The following PPP2R2B variants were observed in gnomAD, a reference collection of about 807,000 sequenced individuals.
PPP2R2B encodes the protein serine/threonine-protein phosphatase 2A 55 kDa regulatory subunit B beta isoform.
A neutral mutation model predicts 46.0 loss-of-function variants in PPP2R2B; 5 were observed. The observed-to-expected ratio is 0.11, with a 90% CI of 0.06 to 0.23. The LOEUF is 0.23. PPP2R2B is among the 10% of genes least tolerant of loss of function. The pLI is 1.00. For missense variants in PPP2R2B, 367 were observed against 575.0 expected, an observed-to-expected ratio of 0.64 and a Z score of 3.70; for synonymous variants, 215 against 206.7, an observed-to-expected ratio of 1.04 and a Z score of -0.34.
chr5:146,636,913 T>C (rs1389953104), intron 7 of PPP2R2B, among the ~76,000 whole-genome samples: 1 of 152,206 alleles, frequency 6.6e-6, no homozygotes, highest in Non-Finnish European at 1.5e-5. Context: ...ATACTCTTCT[T>C]TCTGTTTCCC....
At chr5:146,909,676 A>G (rs889339397) in intron 1 of PPP2R2B, among the ~76,000 whole-genome samples, 2 of 152,212 alleles carry the variant, frequency 1.3e-5, no homozygotes, top group African/African-American at 4.8e-5. Context: ...CTGTGTTGCA[A>G]GCCCGCATGT....
chr5:146,981,768 G>A (rs1214285689), intron 1 of PPP2R2B, among the ~76,000 whole-genome samples: 1 of 152,040 alleles, frequency 6.6e-6, no homozygotes, highest in African/African-American at 2.4e-5. Flanking sequence ...TTAAGCCTTG[G>A]CAACTACTAA....
intron 1 of PPP2R2B, among the ~76,000 whole-genome samples, chr5:147,030,396 T>G (rs1460259245): frequency 6.6e-6 from 1 of 152,172 alleles, no homozygotes; most frequent in Admixed American, 6.5e-5. Context: ...ACTTTCATAT[T>G]TTCTATGAAA....
chr5:146,626,174 C>A (rs1239397447), intron 7 of PPP2R2B, among the ~76,000 whole-genome samples: 1 of 151,872 alleles, frequency 6.6e-6, no homozygotes, highest in Non-Finnish European at 1.5e-5. Flanking sequence ...CCATAGGAAG[C>A]TAATACAGAG....
intron 1 of PPP2R2B, among the ~76,000 whole-genome samples, chr5:146,960,213 T>G (rs978398045): frequency 3.3e-5 from 5 of 152,218 alleles, no homozygotes; most frequent in Admixed American, 6.5e-5. Flanking sequence ...GTATCCAGGA[T>G]AGTCCCTAGT....
intron 1 of PPP2R2B, among the ~76,000 whole-genome samples, chr5:146,907,738 T>C (rs577963016): frequency 1.3e-5 from 2 of 152,388 alleles, no homozygotes; most frequent in Admixed American, 6.5e-5. Flanking sequence ...ACTTTCATTT[T>C]CTACTGCTTT....
At chr5:147,080,908 A>AAT (rs1757951336) in intron 2 of PPP2R2B, 1 of 697,968 alleles carries the variant, frequency 1.4e-6, no homozygotes, top group Non-Finnish European at 2.3e-6. Flanking sequence ...AACAGGAGAG[A>AAT]AAGAAGTTAT....
Position 147,008,942 on chromosome 5 carries a change from G to A in PPP2R2B, c.79+46723C>T, listed in dbSNP as rs187603149. 5.4e-4 allele frequency among the ~76,000 whole-genome samples: 82 copies of A among 152,232 alleles called. 2 individuals carry two copies. The South Asian group carries it at 0.015, about 27-fold the overall frequency. On this transcript the variant is annotated intron_variant, in intron 1 of 8. Transcript: ENST00000336640. ...CAGTGTGGGAAGTGATATTCACATCGTCCTTAGATTGCACCGTTTGGGCCT... is the reference window on the plus strand; with the variant it reads ...CAGTGTGGGAAGTGATATTCACATCATCCTTAGATTGCACCGTTTGGGCCT...
intron 2 of PPP2R2B, among the ~76,000 whole-genome samples, chr5:146,783,752 A>G (rs751525892): frequency 3.3e-5 from 5 of 152,202 alleles, no homozygotes; most frequent in Admixed American, 6.5e-5. Flanking sequence ...TTTCCCATGA[A>G]CCAGAAATGA....
At chr5:146,803,997 C>A (rs886304618) in intron 2 of PPP2R2B, among the ~76,000 whole-genome samples, 1 of 151,948 alleles carries the variant, frequency 6.6e-6, no homozygotes, top group South Asian at 2.1e-4. Flanking sequence ...GAAACCCCGT[C>A]TCTACTAGAA....
intron 2 of PPP2R2B, among the ~76,000 whole-genome samples, chr5:146,875,191 A>G (rs1242353800): frequency 6.6e-6 from 1 of 152,196 alleles, no homozygotes; most frequent in Non-Finnish European, 1.5e-5. Flanking sequence ...GACAACATCC[A>G]TTTAACAGGG....
chr5:146,912,035 C>T (rs1393505756), intron 1 of PPP2R2B, among the ~76,000 whole-genome samples: 1 of 151,846 alleles, frequency 6.6e-6, no homozygotes, highest in East Asian at 1.9e-4. Context: ...CTCAGGAGTT[C>T]GCGACCAGCC....
At chr5:146,693,715 G>T (rs1457818517) in intron 4 of PPP2R2B, among the ~76,000 whole-genome samples, 1 of 152,132 alleles carries the variant, frequency 6.6e-6, no homozygotes. Flanking sequence ...TTCCTCATGG[G>T]GCTCTGATGA....
At chr5:146,922,389 A>T (rs1301603243) in intron 1 of PPP2R2B, 2 of 152,164 alleles carry the variant, frequency 1.3e-5, no homozygotes, top group East Asian at 3.8e-4. Context: ...GACTGCCGGG[A>T]TGATATTCAC....
At chr5:146,976,988 A>C (rs1752940328) in intron 1 of PPP2R2B, among the ~76,000 whole-genome samples, 1 of 152,114 alleles carries the variant, frequency 6.6e-6, no homozygotes. Context: ...AGTATAGCCC[A>C]TTTCATATAA....
intron 2 of PPP2R2B, among the ~76,000 whole-genome samples, chr5:146,776,086 T>A (rs1182477203): frequency 6.6e-6 from 1 of 152,100 alleles, no homozygotes; most frequent in Non-Finnish European, 1.5e-5. Context: ...GACACACAGA[T>A]TCAATGCGAT....
chr5:146,931,269 C>T, intron 1 of PPP2R2B, among the ~76,000 whole-genome samples: 1 of 152,086 alleles, frequency 6.6e-6, no homozygotes, highest in East Asian at 1.9e-4. Context: ...TTTCTGAGTG[C>T]AGATCCAATC....
intron 2 of PPP2R2B, among the ~76,000 whole-genome samples, chr5:146,837,782 A>T (rs186355019): frequency 3.2e-4 from 48 of 152,340 alleles, no homozygotes; most frequent in African/African-American, 1.0e-3. Context: ...TTTCACATGC[A>T]CAAGACTCAC....
Position 146,812,700 on chromosome 5 carries a change from T to TATAC in PPP2R2B, c.70+65301_70+65302insGTAT, listed in dbSNP as rs1490052372. ...ATATATATATATATATATATATATA[T>TATAC]ACACTGCTATCACTAGAGTTACTTT... On this transcript the variant is annotated intron_variant, in intron 2 of 9. Coordinates refer to ENST00000394411, the MANE Select transcript of PPP2R2B (RefSeq NM_181675.4). 9.6e-5 allele frequency among the ~76,000 whole-genome samples: 4 copies of TATAC among 41,522 alleles called. 1 individual carries two copies. Among genetic ancestry groups the TATAC allele is most frequent in the African/African-American group, 3.9e-4 (4 of 10,176 alleles). The allele number at this position is 41,522 out of a possible 152,430, so 27.2% of individuals were successfully genotyped here. A position where few individuals can be genotyped will look rare whatever the true frequency, so the allele number is the denominator to read the frequency against.
Sources: allele counts gnomAD v4.1 joint callset (sites outside exome capture counted in the v4.1 genomes callset), GRCh38; gene constraint gnomAD v4.1.1; transcripts MANE v1.5; gene names NCBI Gene and HGNC (gene_info 2026-07-23, HGNC 2026-07-21).